The following ARHGAP15 variants were observed in gnomAD, a reference collection of about 807,000 sequenced individuals.
ARHGAP15 encodes Rho GTPase activating protein 15.
ARHGAP15 carries 51 observed loss-of-function variants against 63.7 expected under a neutral mutation model. The observed-to-expected ratio is 0.80, with a 90% CI of 0.64 to 1.01. ARHGAP15 has a LOEUF of 1.01. Ranked by LOEUF, ARHGAP15 falls within the 50% of genes least tolerant of loss-of-function variation. ARHGAP15 has a pLI of 0.00. For missense variants in ARHGAP15, 560 were observed against 564.6 expected, an observed-to-expected ratio of 0.99 and a Z score of 0.08; for synonymous variants, 191 against 193.8, an observed-to-expected ratio of 0.99 and a Z score of 0.12.
rs555967331 is a variant in ARHGAP15, at chr2:143,551,735, T to C, written c.926-4673T>C. 7.9e-5 allele frequency among the ~76,000 whole-genome samples: 12 copies of C among 152,292 alleles called. 1 individual carries two copies. In the South Asian group the frequency reaches 2.5e-3, roughly 32 times the overall value. ...AGGAAATAGCAAGGCTATTGAAGGA[T>C]GGGTGTCTCATAAGAAATTAACAAT... On this transcript the variant is annotated intron_variant, in intron 10 of 13. Coordinates refer to ENST00000295095, the MANE Select transcript of ARHGAP15 (RefSeq NM_018460.4).
chr2:143,504,714 C>T (rs183125823), intron 9 of ARHGAP15, among the ~76,000 whole-genome samples: 1 of 152,230 alleles, frequency 6.6e-6, no homozygotes, highest in Admixed American at 6.5e-5. Context: ...TTGTGTTCTC[C>T]TCTCTCATTT....
intron 2 of ARHGAP15, among the ~76,000 whole-genome samples, chr2:143,177,016 T>G (rs1199580809): frequency 6.6e-6 from 1 of 152,188 alleles, no homozygotes; most frequent in Admixed American, 6.5e-5. Flanking sequence ...TATAACCCTT[T>G]ATGTACAAGT....
intron 11 of ARHGAP15, among the ~76,000 whole-genome samples, chr2:143,600,017 G>A (rs1016654100): frequency 2.0e-5 from 3 of 152,002 alleles, no homozygotes; most frequent in African/African-American, 7.3e-5. Flanking sequence ...TAATAGCTGC[G>A]GGCACATGTT....
At chr2:143,149,878 G>A (rs1039403765) in intron 1 of ARHGAP15, among the ~76,000 whole-genome samples, 4 of 152,030 alleles carry the variant, frequency 2.6e-5, no homozygotes, top group Non-Finnish European at 5.9e-5. Context: ...TCAGGAAGCA[G>A]AGGAACATTT....
At chr2:143,670,456 G>T (rs1030900352) in intron 12 of ARHGAP15, among the ~76,000 whole-genome samples, 6 of 152,118 alleles carry the variant, frequency 3.9e-5, no homozygotes, top group African/African-American at 1.4e-4. Context: ...GGAAGATCAG[G>T]GATCTACCTA....
chr2:143,669,743 AT>A (rs1256933231), intron 12 of ARHGAP15, among the ~76,000 whole-genome samples: 1 of 152,150 alleles, frequency 6.6e-6, no homozygotes, highest in Non-Finnish European at 1.5e-5. Context: ...TAGAAAATAT[AT>A]TTTATAATCC....
At chr2:143,188,210 C>T (rs1356296882) in intron 2 of ARHGAP15, among the ~76,000 whole-genome samples, 1 of 152,082 alleles carries the variant, frequency 6.6e-6, no homozygotes, top group Non-Finnish European at 1.5e-5. Context: ...ATTGTTTCAT[C>T]ATAGTTTTTC....
At chr2:143,390,253 A>G (rs1340223860) in intron 6 of ARHGAP15, among the ~76,000 whole-genome samples, 2 of 152,138 alleles carry the variant, frequency 1.3e-5, no homozygotes, top group Non-Finnish European at 2.9e-5. Context: ...GGCTGGTTGC[A>G]GCCTCAGATT....
intron 6 of ARHGAP15, among the ~76,000 whole-genome samples, chr2:143,430,698 T>C (rs886238897): frequency 4.6e-5 from 7 of 152,080 alleles, no homozygotes; most frequent in African/African-American, 1.2e-4. Flanking sequence ...AGTTAGTGTA[T>C]GTTGATATAA....
At chr2:143,766,761 C>T (rs1344783468) in intron 13 of ARHGAP15, 2 of 152,132 alleles carry the variant, frequency 1.3e-5, no homozygotes, top group Non-Finnish European at 2.9e-5. Flanking sequence ...GAAACATGTT[C>T]CAATAGATGG....
chr2:143,743,478 C>T (rs373475718), intron 13 of ARHGAP15, among the ~76,000 whole-genome samples: 2 of 151,990 alleles, frequency 1.3e-5, no homozygotes, highest in Admixed American at 6.5e-5. Flanking sequence ...ATGTGGTTCC[C>T]GCAGATGTTC....
chr2:143,515,873 A>T (rs1264611396), intron 9 of ARHGAP15, among the ~76,000 whole-genome samples: 2 of 152,214 alleles, frequency 1.3e-5, no homozygotes, highest in Admixed American at 6.5e-5. Flanking sequence ...TTATAACTTA[A>T]TACATCAAGA....
At chr2:143,300,183 C>A (rs1162324308) in intron 6 of ARHGAP15, among the ~76,000 whole-genome samples, 2 of 151,938 alleles carry the variant, frequency 1.3e-5, no homozygotes, top group South Asian at 2.1e-4. Context: ...TAGAAGGGAC[C>A]AGGTCTGTTG....
chr2:143,556,601 G>T, intron 11 of ARHGAP15, 116 bp downstream of exon 11: 1 of 715,846 alleles, frequency 1.4e-6, no homozygotes. Context: ...GAATGTGAAA[G>T]TGGAAGAAAT....
intron 6 of ARHGAP15, among the ~76,000 whole-genome samples, chr2:143,325,462 T>C (rs190981153): frequency 2.7e-3 from 404 of 152,264 alleles, no homozygotes; most frequent in African/African-American, 9.1e-3. Flanking sequence ...ATTAAGTATA[T>C]TGTTTGTCAG....
intron 12 of ARHGAP15, among the ~76,000 whole-genome samples, chr2:143,696,458 A>G (rs1683850760): frequency 6.6e-6 from 1 of 151,862 alleles, no homozygotes; most frequent in African/African-American, 2.4e-5. Flanking sequence ...GTAGAAGGAA[A>G]CAGAGATTAC....
chr2:143,390,731 G>GCACACACA (rs3071055), intron 6 of ARHGAP15, among the ~76,000 whole-genome samples: 5 of 147,474 alleles, frequency 3.4e-5, no homozygotes, highest in South Asian at 2.2e-4. Context: ...GAAAACACAT[G>GCACACACA]CACACACACA....
At chr2:143,171,971 T>G (rs1172659271) in intron 2 of ARHGAP15, 1 of 150,012 alleles carries the variant, frequency 6.7e-6, no homozygotes, top group Non-Finnish European at 1.5e-5. Context: ...TAGAATGTAG[T>G]TTTTTTTTTC....
intron 5 of ARHGAP15, among the ~76,000 whole-genome samples, chr2:143,230,926 G>T (rs1693408243): frequency 6.6e-6 from 1 of 152,186 alleles, no homozygotes; most frequent in Non-Finnish European, 1.5e-5. Context: ...CAAGCTGCCT[G>T]AGTGAGTGCA....
Sources: allele counts gnomAD v4.1 joint callset (sites outside exome capture counted in the v4.1 genomes callset), GRCh38; gene constraint gnomAD v4.1.1; transcripts MANE v1.5; gene names NCBI Gene and HGNC (gene_info 2026-07-23, HGNC 2026-07-21).